Variants in FOXN3 observed in about 807,000 individuals in gnomAD.
The protein encoded by FOXN3 is forkhead box protein N3.
In FOXN3, 7 loss-of-function variants were observed where a neutral mutation model predicts 38.4. That is an observed-to-expected ratio of 0.18 (90% CI 0.10 to 0.34). The LOEUF (loss-of-function observed/expected upper bound fraction) is 0.34. FOXN3 is among the 10% of genes least tolerant of loss of function. FOXN3 has a pLI of 1.00. For missense variants in FOXN3, 456 were observed against 613.4 expected (o/e 0.74, Z 2.71); for synonymous variants, 230 against 242.2 (o/e 0.95, Z 0.47).
intron 2 of FOXN3, among the ~76,000 whole-genome samples, chr14:89,371,876 C>T (rs1890327687): frequency 6.6e-6 from 1 of 152,164 alleles, no homozygotes; most frequent in Admixed American, 6.5e-5. Flanking sequence ...TCTCCTCTGG[C>T]ATCTATTATC....
chr14:89,245,585 A>C (rs1296986387), intron 4 of FOXN3, among the ~76,000 whole-genome samples: 1 of 152,154 alleles, frequency 6.6e-6, no homozygotes, highest in Non-Finnish European at 1.5e-5. Context: ...TCTCAGCCTC[A>C]GGGTTATAAA....
chr14:89,547,446 T>G (rs1249379248), intron 1 of FOXN3, among the ~76,000 whole-genome samples: 1 of 151,654 alleles, frequency 6.6e-6, no homozygotes, highest in African/African-American at 2.4e-5. Context: ...GTTTGTTTGT[T>G]GTTTGTTTTT....
At chr14:89,345,955 A>T (rs1298247441) in intron 3 of FOXN3, among the ~76,000 whole-genome samples, 1 of 152,222 alleles carries the variant, frequency 6.6e-6, no homozygotes, top group African/African-American at 2.4e-5. Flanking sequence ...CGGGAGGCTG[A>T]AGCAGGAGAA....
intron 3 of FOXN3, among the ~76,000 whole-genome samples, chr14:89,341,332 C>T (rs1888609678): frequency 6.6e-6 from 1 of 152,176 alleles, no homozygotes; most frequent in Middle Eastern, 3.2e-3. Context: ...CAAATCTGTC[C>T]TCTCTGATGG....
At chr14:89,559,675 TA>T (rs778601856) in intron 1 of FOXN3, among the ~76,000 whole-genome samples, 14 of 151,220 alleles carry the variant, frequency 9.3e-5, no homozygotes, top group African/African-American at 2.7e-4. Context: ...ATTCCATCTT[TA>T]AAAAAAAATG....
chr14:89,190,323 A>G (rs1386096786), intron 4 of FOXN3: 1 of 1,294,432 alleles, frequency 7.7e-7, no homozygotes, highest in Non-Finnish European at 1.1e-6. Flanking sequence ...GACCTGGTGT[A>G]TAAATGAGAA....
rs1192155147 is a variant in FOXN3 at position 89,478,446 on chromosome 14, T to C, written c.-14-65956A>G. Among the ~76,000 whole-genome samples, 4 of 152,208 alleles carry C rather than the reference T, an allele frequency of 2.6e-5. No individual in the cohort carries two copies. The East Asian group carries it at 5.8e-4, about 22-fold the overall frequency. Reference sequence around the variant, plus strand: ...TTCTCAAATTCATCTTATCTTTCAGTACACAAAAACAACTGGTTTGGAAAT... The same window carrying C: ...TTCTCAAATTCATCTTATCTTTCAGCACACAAAAACAACTGGTTTGGAAAT... On this transcript the variant is annotated intron_variant, in intron 1 of 6. Transcript: ENST00000345097.
At chr14:89,276,617 C>T (rs1886308769) in intron 4 of FOXN3, among the ~76,000 whole-genome samples, 1 of 152,118 alleles carries the variant, frequency 6.6e-6, no homozygotes, top group Non-Finnish European at 1.5e-5. Flanking sequence ...GAGGGTGGGA[C>T]CTGGTTGAGA....
At chr14:89,298,554 T>C (rs1443662298) in intron 3 of FOXN3, among the ~76,000 whole-genome samples, 1 of 150,134 alleles carries the variant, frequency 6.7e-6, no homozygotes, top group Non-Finnish European at 1.5e-5. Context: ...AAATAACAGA[T>C]AGACGACAGA....
At chr14:89,470,177 C>T (rs1162076979) in intron 1 of FOXN3, among the ~76,000 whole-genome samples, 1 of 152,140 alleles carries the variant, frequency 6.6e-6, no homozygotes, top group Admixed American at 6.5e-5. Flanking sequence ...AAGCTCAGTC[C>T]TACTTAGTGG....
intron 1 of FOXN3, among the ~76,000 whole-genome samples, chr14:89,443,374 C>G (rs1488913388): frequency 1.3e-5 from 2 of 152,160 alleles, no homozygotes; most frequent in African/African-American, 4.8e-5. Context: ...GCCCCTGGGA[C>G]AGGCAGGGCA....
chr14:89,268,659 G>A (rs1213836742), intron 4 of FOXN3, among the ~76,000 whole-genome samples: 1 of 152,106 alleles, frequency 6.6e-6, no homozygotes, highest in Non-Finnish European at 1.5e-5. Flanking sequence ...CGTGAGGCCA[G>A]CACACCCTGT....
intron 1 of FOXN3, among the ~76,000 whole-genome samples, chr14:89,477,474 G>C (rs1425747107): frequency 6.6e-6 from 1 of 152,220 alleles, no homozygotes; most frequent in African/African-American, 2.4e-5. Context: ...AGTAGTTTAT[G>C]TGCTTCTGAA....
At chr14:89,282,723 T>A (rs1886500859) in intron 3 of FOXN3, among the ~76,000 whole-genome samples, 1 of 152,196 alleles carries the variant, frequency 6.6e-6, no homozygotes, top group Non-Finnish European at 1.5e-5. Context: ...AATTGAGTAT[T>A]ACTGCAGGAG....
At chr14:89,596,476 G>A (rs757821961) in intron 1 of FOXN3, among the ~76,000 whole-genome samples, 32 of 152,118 alleles carry the variant, frequency 2.1e-4, no homozygotes, top group Non-Finnish European at 4.4e-4. Context: ...GAGTGAAACT[G>A]GCCTGGAATG....
intron 4 of FOXN3, among the ~76,000 whole-genome samples, chr14:89,268,751 C>G (rs891572466): frequency 2.0e-5 from 3 of 152,148 alleles, no homozygotes; most frequent in African/African-American, 7.2e-5. Context: ...CCACCAGTCA[C>G]TAAGGCCAGG....
intron 1 of FOXN3, among the ~76,000 whole-genome samples, chr14:89,441,927 T>A (rs1279354818): frequency 0.011 from 1,563 of 147,308 alleles, 18 homozygotes; most frequent in South Asian, 0.046. Flanking sequence ...GCTGACTTTT[T>A]TTTTTTTTTT....
At chr14:89,308,362 GA>G (rs1266144534) in intron 3 of FOXN3, among the ~76,000 whole-genome samples, 2 of 152,236 alleles carry the variant, frequency 1.3e-5, no homozygotes, top group Non-Finnish European at 2.9e-5. Context: ...CTCCTAAAAT[GA>G]GCTCGAATCT....
At chr14:89,278,378 AAG>A (rs2139913879) in intron 4 of FOXN3, among the ~76,000 whole-genome samples, 1 of 152,166 alleles carries the variant, frequency 6.6e-6, no homozygotes, top group East Asian at 1.9e-4. Context: ...GCTACAATTC[AAG>A]ATGAGATTTG....
Sources: gnomAD v4.1 joint callset for allele counts (sites outside exome capture counted in the v4.1 genomes callset) on GRCh38, gnomAD v4.1.1 for gene constraint, MANE v1.5 for transcripts, NCBI Gene and HGNC (gene_info 2026-07-23, HGNC 2026-07-21) for gene names.